ADTRP: variants seen among roughly 807,000 people sequenced by gnomAD.
ADTRP encodes the protein androgen dependent TFPI regulating protein, also known as androgen-dependent TFPI-regulating protein.
In ADTRP, 20 loss-of-function variants were observed where a neutral mutation model predicts 27.0. That is an observed-to-expected ratio of 0.74 (90% CI 0.52 to 1.08). The LOEUF (loss-of-function observed/expected upper bound fraction) is 1.08. Ranked by LOEUF, ADTRP falls within the 50% of genes least tolerant of loss-of-function variation. The pLI, the probability that ADTRP is intolerant of heterozygous loss-of-function variation, is 0.00. For synonymous variants in ADTRP, 101 were observed against 105.2 expected (o/e 0.96, Z 0.25); for missense variants, 251 against 275.0 (o/e 0.91, Z 0.62).
At chr6:11,734,530 G>A (rs546268747) in intron 4 of ADTRP, among the ~76,000 whole-genome samples, 1 of 152,250 alleles carries the variant, frequency 6.6e-6, no homozygotes, top group African/African-American at 2.4e-5. Flanking sequence ...GAAAGATTTG[G>A]GTACTCAGGG....
chr6:11,715,047 T>C (rs1284826734), intron 5 of ADTRP, among the ~76,000 whole-genome samples: 1 of 152,218 alleles, frequency 6.6e-6, no homozygotes, highest in Non-Finnish European at 1.5e-5. Context: ...TAGCATTAGA[T>C]TTGTAGAATG....
chr6:11,740,663 CA>C (rs1290365849), intron 3 of ADTRP, among the ~76,000 whole-genome samples: 2 of 152,162 alleles, frequency 1.3e-5, no homozygotes, highest in African/African-American at 4.8e-5. Flanking sequence ...ATCCATTTGC[CA>C]GCTAAAAACT....
chr6:11,769,703 G>A (rs1001768577), intron 1 of ADTRP, among the ~76,000 whole-genome samples: 1 of 150,558 alleles, frequency 6.6e-6, no homozygotes, highest in Non-Finnish European at 1.5e-5. Context: ...ACCTGCAAAT[G>A]TACCCTTGAA....
At chr6:11,775,175 C>G (rs1454989493) in intron 1 of ADTRP, among the ~76,000 whole-genome samples, 2 of 152,104 alleles carry the variant, frequency 1.3e-5, no homozygotes, top group African/African-American at 2.4e-5. Flanking sequence ...CTGGCCTCCA[C>G]CCCGCAACAA....
chr6:11,758,983 C>A (rs1763317383), intron 3 of ADTRP, among the ~76,000 whole-genome samples: 1 of 152,136 alleles, frequency 6.6e-6, no homozygotes, highest in Non-Finnish European at 1.5e-5. Context: ...TGCTCATGTT[C>A]CAGGCCCGTG....
intron 4 of ADTRP, among the ~76,000 whole-genome samples, chr6:11,734,146 GAAC>G (rs765405521): frequency 7.9e-5 from 12 of 152,136 alleles, no homozygotes. Context: ...ACACATGCAA[GAAC>G]AACAACAACA....
chr6:11,775,045 C>T (rs561141596), intron 1 of ADTRP, among the ~76,000 whole-genome samples: 2 of 152,276 alleles, frequency 1.3e-5, no homozygotes, highest in South Asian at 4.1e-4. Context: ...TGCCTGCGGG[C>T]AGCTACAGCA....
chr6:11,752,937 G>A (rs1055658799), intron 3 of ADTRP, among the ~76,000 whole-genome samples: 1 of 152,188 alleles, frequency 6.6e-6, no homozygotes, highest in Admixed American at 6.5e-5. Context: ...ATCACTGATA[G>A]CACTTTATAT....
intron 2 of ADTRP, chr6:11,767,604 G>A (rs537583009): frequency 2.0e-5 from 3 of 152,258 alleles, no homozygotes; most frequent in South Asian, 4.1e-4. Flanking sequence ...TCTAGCTAAC[G>A]AATGGAAAAC....
chr6:11,719,962 A>G (rs1275263852), intron 5 of ADTRP, among the ~76,000 whole-genome samples: 1 of 152,200 alleles, frequency 6.6e-6, no homozygotes, highest in Non-Finnish European at 1.5e-5. Flanking sequence ...CCGTGAGCCC[A>G]GGAGGAGGCC....
At chr6:11,762,433 A>T (rs1297570298) in intron 3 of ADTRP, among the ~76,000 whole-genome samples, 1 of 152,268 alleles carries the variant, frequency 6.6e-6, no homozygotes, top group Non-Finnish European at 1.5e-5. Flanking sequence ...TCATAGTGTC[A>T]CACGCATAGT....
At chr6:11,777,564 T>C (rs1763999927) in intron 1 of ADTRP, among the ~76,000 whole-genome samples, 1 of 152,186 alleles carries the variant, frequency 6.6e-6, no homozygotes, top group Non-Finnish European at 1.5e-5. Context: ...GTTTTTCTCA[T>C]AAAATTCCAT....
At chr6:11,753,959 T>C (rs1297806195) in intron 3 of ADTRP, among the ~76,000 whole-genome samples, 1 of 152,172 alleles carries the variant, frequency 6.6e-6, no homozygotes, top group African/African-American at 2.4e-5. Context: ...AGAGGGAGGA[T>C]GCACCAACAC....
At chr6:11,743,980 C>T (rs1466029661) in intron 3 of ADTRP, among the ~76,000 whole-genome samples, 2 of 152,178 alleles carry the variant, frequency 1.3e-5, no homozygotes, top group African/African-American at 2.4e-5. Context: ...GGATATTTGT[C>T]CCCTCCAAAT....
At chr6:11,766,694 A>G (rs1321341655) in intron 2 of ADTRP, among the ~76,000 whole-genome samples, 4 of 152,184 alleles carry the variant, frequency 2.6e-5, no homozygotes, top group Non-Finnish European at 5.9e-5. Context: ...TATTTTAACC[A>G]ATAACTTCTT....
chr6:11,756,605 T>C (rs377548271), intron 3 of ADTRP, among the ~76,000 whole-genome samples: 1 of 152,140 alleles, frequency 6.6e-6, no homozygotes, highest in African/African-American at 2.4e-5. Context: ...AGTTAAGGAA[T>C]AGAGTAAAGG....
At chr6:11,757,779 A>G (rs2113303725) in intron 3 of ADTRP, among the ~76,000 whole-genome samples, 2 of 152,364 alleles carry the variant, frequency 1.3e-5, no homozygotes, top group Non-Finnish European at 2.9e-5. Context: ...CAACACCAGA[A>G]GCTGAAGAAG....
intron 5 of ADTRP, among the ~76,000 whole-genome samples, chr6:11,720,547 C>G (rs1455330939): frequency 1.3e-5 from 2 of 151,878 alleles, no homozygotes; most frequent in African/African-American, 4.8e-5. Context: ...TCTCGGCTCA[C>G]TGCAAGCTCC....
intron 4 of ADTRP, among the ~76,000 whole-genome samples, chr6:11,729,414 T>C (rs548969239): frequency 6.6e-6 from 1 of 152,296 alleles, no homozygotes; most frequent in Admixed American, 6.5e-5. Context: ...CCTCTCTGCC[T>C]TCAGGGCCCA....
Sources: allele counts gnomAD v4.1 joint callset (sites outside exome capture counted in the v4.1 genomes callset), GRCh38; gene constraint gnomAD v4.1.1; transcripts MANE v1.5; gene names NCBI Gene and HGNC (gene_info 2026-07-23, HGNC 2026-07-21).